CHRM3: variants seen among roughly 807,000 people sequenced by gnomAD.
CHRM3 encodes the protein cholinergic receptor muscarinic 3.
Under a neutral mutation model 41.8 loss-of-function variants are expected in CHRM3, and 11 were observed. The ratio of observed to expected loss-of-function variants is 0.26; its 90% CI spans 0.17 to 0.44. The LOEUF is 0.44. CHRM3 is among the 20% of genes least tolerant of loss of function. The probability of loss-of-function intolerance (pLI) is 1.00; values close to 1 mark genes in which losing one functional copy is unlikely to be tolerated. For missense variants in CHRM3, 571 were observed against 745.4 expected, an observed-to-expected ratio of 0.77 and a Z score of 2.72; for synonymous variants, 297 against 301.4, an observed-to-expected ratio of 0.99 and a Z score of 0.15.
chr1:239,897,028 T>G (rs16839034), intron 6 of CHRM3, among the ~76,000 whole-genome samples: 18,623 of 152,222 alleles, frequency 0.12, 1,377 homozygotes, highest in South Asian at 0.26. Flanking sequence ...TATTTCATCC[T>G]CAAGTATTAT....
intron 3 of CHRM3, among the ~76,000 whole-genome samples, chr1:239,584,086 C>A (rs892093848): frequency 1.1e-4 from 17 of 149,358 alleles, no homozygotes; most frequent in Non-Finnish European, 2.4e-4. Flanking sequence ...ATGTTGGATT[C>A]GAATTAGTCA....
intron 5 of CHRM3, among the ~76,000 whole-genome samples, chr1:239,729,241 C>T (rs1663732571): frequency 6.6e-6 from 1 of 151,844 alleles, no homozygotes; most frequent in Non-Finnish European, 1.5e-5. Context: ...GTTAAATCTT[C>T]ATCGTTGAGT....
intron 3 of CHRM3, among the ~76,000 whole-genome samples, chr1:239,592,731 G>C (rs1664320936): frequency 6.6e-6 from 1 of 152,090 alleles, no homozygotes; most frequent in Non-Finnish European, 1.5e-5. Context: ...CCATTCATCA[G>C]TTGGTGGGCA....
At chr1:239,810,480 A>G (rs2148977753) in intron 5 of CHRM3, among the ~76,000 whole-genome samples, 1 of 152,294 alleles carries the variant, frequency 6.6e-6, no homozygotes, top group Admixed American at 6.5e-5. Flanking sequence ...AATGCTTCTC[A>G]AGATCATTGA....
At chr1:239,410,608 CAT>C (rs1246252335) in intron 1 of CHRM3, among the ~76,000 whole-genome samples, 1 of 152,172 alleles carries the variant, frequency 6.6e-6, no homozygotes, top group Non-Finnish European at 1.5e-5. Context: ...TGTCACATCT[CAT>C]AGTCTTTTAC....
chr1:239,871,487 G>A (rs901365685), intron 6 of CHRM3, among the ~76,000 whole-genome samples: 2 of 151,992 alleles, frequency 1.3e-5, no homozygotes, highest in Non-Finnish European at 2.9e-5. Context: ...TCATCTGCCC[G>A]CCTCAGCCTC....
At chr1:239,594,808 G>T (rs1327523161) in intron 3 of CHRM3, among the ~76,000 whole-genome samples, 1 of 152,220 alleles carries the variant, frequency 6.6e-6, no homozygotes, top group African/African-American at 2.4e-5. Context: ...ATTGTATCAG[G>T]CCTAGGCACA....
At chr1:239,508,539 G>T (rs1668721140) in intron 2 of CHRM3, among the ~76,000 whole-genome samples, 1 of 152,026 alleles carries the variant, frequency 6.6e-6, no homozygotes, top group Non-Finnish European at 1.5e-5. Flanking sequence ...ATATGTCTTT[G>T]GTCTTTAATC....
chr1:239,489,269 G>A (rs531869798), intron 1 of CHRM3, among the ~76,000 whole-genome samples: 8 of 152,138 alleles, frequency 5.3e-5, no homozygotes, highest in South Asian at 2.1e-4. Context: ...AAAATTAGCC[G>A]GGCGTGGGGA....
At chr1:239,714,564 G>T (rs759262307) in intron 5 of CHRM3, among the ~76,000 whole-genome samples, 15 of 152,156 alleles carry the variant, frequency 9.9e-5, no homozygotes, top group Non-Finnish European at 1.5e-4. Context: ...ACGGGGAGGA[G>T]ACAGAAAGGA....
At chr1:239,871,090 G>A (rs1394792631) in intron 6 of CHRM3, among the ~76,000 whole-genome samples, 3 of 152,030 alleles carry the variant, frequency 2.0e-5, no homozygotes, top group Non-Finnish European at 2.9e-5. Context: ...CCAAACTAGC[G>A]ACAGAAGACG....
intron 2 of CHRM3, among the ~76,000 whole-genome samples, chr1:239,503,101 G>A (rs1180514455): frequency 6.6e-6 from 1 of 152,098 alleles, no homozygotes; most frequent in Non-Finnish European, 1.5e-5. Flanking sequence ...ATCCAAAATG[G>A]TAAAGAGGAA....
intron 1 of CHRM3, among the ~76,000 whole-genome samples, chr1:239,487,863 A>C (rs1176605311): frequency 6.6e-6 from 1 of 150,978 alleles, no homozygotes; most frequent in Non-Finnish European, 1.5e-5. Context: ...TTTGCAAAAA[A>C]AAAAAACAAA....
intron 1 of CHRM3, among the ~76,000 whole-genome samples, chr1:239,446,793 G>A (rs1664184775): frequency 6.6e-6 from 1 of 152,096 alleles, no homozygotes; most frequent in Non-Finnish European, 1.5e-5. Flanking sequence ...GTGGAAAGTT[G>A]GTGCAATCAA....
intron 4 of CHRM3, among the ~76,000 whole-genome samples, chr1:239,662,652 A>G (rs985347883): frequency 1.3e-5 from 2 of 152,202 alleles, no homozygotes; most frequent in Non-Finnish European, 2.9e-5. Flanking sequence ...GAGTACAAGT[A>G]TCTAGTAACT....
At chr1:239,414,179 G>A (rs1303362852) in intron 1 of CHRM3, among the ~76,000 whole-genome samples, 1 of 152,300 alleles carries the variant, frequency 6.6e-6, no homozygotes, top group Non-Finnish European at 1.5e-5. Flanking sequence ...TGCCTTGTAA[G>A]TGTTCTGCTT....
intron 6 of CHRM3, among the ~76,000 whole-genome samples, chr1:239,900,081 C>A (rs536145929): frequency 3.3e-5 from 5 of 152,320 alleles, no homozygotes; most frequent in Admixed American, 2.0e-4. Context: ...GTCCCCTCAC[C>A]AATATCATTC....
chr1:239,836,707 G>A (rs1488978946), intron 6 of CHRM3, among the ~76,000 whole-genome samples: 1 of 152,160 alleles, frequency 6.6e-6, no homozygotes, highest in East Asian at 1.9e-4. Flanking sequence ...GCCTGGCGTG[G>A]TGGCTCACGT....
At chr1:239,487,658 A>C (rs966587227) in intron 1 of CHRM3, among the ~76,000 whole-genome samples, 1 of 152,148 alleles carries the variant, frequency 6.6e-6, no homozygotes, top group Non-Finnish European at 1.5e-5. Flanking sequence ...TTGCAATTCC[A>C]ATCAAGATAA....
Sources: allele counts gnomAD v4.1 joint callset (sites outside exome capture counted in the v4.1 genomes callset), GRCh38; gene constraint gnomAD v4.1.1; transcripts MANE v1.5; gene names NCBI Gene and HGNC (gene_info 2026-07-23, HGNC 2026-07-21).